SUCNR1: variants seen among roughly 807,000 people sequenced by gnomAD.
The protein encoded by SUCNR1 is succinate receptor 1.
In SUCNR1, 5 loss-of-function variants were observed where a neutral mutation model predicts 2.4. The observed-to-expected ratio is 2.07, with a 90% CI of 1.08 to 4.36. The LOEUF is 4.36. Ranked by LOEUF, SUCNR1 falls within the 30% of genes most tolerant of loss-of-function variation. The pLI, the probability that SUCNR1 is intolerant of heterozygous loss-of-function variation, is 0.00. For synonymous variants in SUCNR1, 162 were observed against 143.9 expected, an observed-to-expected ratio of 1.13 and a Z score of -0.90; for missense variants, 373 against 399.2, an observed-to-expected ratio of 0.93 and a Z score of 0.56.
chr3:151,881,223 T>C lies in SUCNR1; in HGVS notation c.680T>C (p.Leu227Pro). 8.7e-6 allele frequency: 14 copies of C among 1,614,224 alleles called. No individual in the cohort carries two copies. Among genetic ancestry groups the C allele is most frequent in the Non-Finnish European group, 1.2e-5 (14 of 1,180,026 alleles). Residue 227 changes from leucine to proline, a missense_variant, in exon 3 of 3, where the codon CTT becomes CCT. Leu to Pro is a moderately conservative substitution (Grantham distance 98). Coordinates refer to ENST00000362032, the MANE Select transcript of SUCNR1 (RefSeq NM_033050.6). ...RNRQVATALP[L>P]EKPLNLVIMA... ...AGGCAGGTTGCTACTGCTCTGCCCCTTGAAAAGCCTCTCAACTTGGTCATC... is the reference window on the plus strand; with the variant it reads ...AGGCAGGTTGCTACTGCTCTGCCCCCTGAAAAGCCTCTCAACTTGGTCATC...
At position 151,883,481 on chromosome 3, in the gene SUCNR1, T is replaced by TATATAC; in HGVS notation, c.*1938_*1939insCATATA. 1 of 134,188 alleles carries TATATAC rather than the reference T, an allele frequency of 7.5e-6. No homozygotes were observed. The highest frequency in any genetic ancestry group is 2.1e-4 in the East Asian group (1 of 4,824). The allele number at this position is 134,188 out of a possible 1,614,324, so 8.3% of individuals were successfully genotyped here. A position where few individuals can be genotyped will look rare whatever the true frequency, so the allele number is the denominator to read the frequency against. ...ATAAACTCACATATATATATATATA[T>TATATAC]ATATATATATATATATATATATATG... is the stretch of plus-strand genomic sequence containing the variant. On this transcript the variant is annotated 3_prime_UTR_variant, in exon 3 of 3. Transcript: ENST00000362032.
rs1718129870 is a variant in SUCNR1, at chr3:151,882,402, A to G, written c.*854A>G. On this transcript the variant is annotated 3_prime_UTR_variant, in exon 3 of 3. Transcript: ENST00000362032. ...AATTTGACCACCAGTGCATGAAAAT[A>G]TATTAAAGTTCATTAGCCTTCTGCT... is the stretch of plus-strand genomic sequence containing the variant. 6.6e-6 allele frequency: 1 copy of G among 152,226 alleles called. No individual in the cohort carries two copies. Among genetic ancestry groups the G allele is most frequent in the Non-Finnish European group, 1.5e-5 (1 of 68,014 alleles). The allele number at this position is 152,226 out of a possible 1,614,324, so 9.4% of individuals were successfully genotyped here. A position where few individuals can be genotyped will look rare whatever the true frequency, so the allele number is the denominator to read the frequency against.
intron 1 of SUCNR1, among the ~76,000 whole-genome samples, chr3:151,874,083 TACACAC>T (rs139708188): frequency 0.28 from 32,735 of 117,284 alleles, 4,876 homozygotes; most frequent in Admixed American, 0.34. Context: ...ATTTGATACA[TACACAC>T]ACACACACAC....
Position 151,880,746 on chromosome 3 carries a change from C to T in SUCNR1, c.203C>T (p.Ser68Phe). The change falls in exon 3 of 3, where the codon TCT (serine) becomes TTT (phenylalanine). Residue 68 changes from serine to phenylalanine, a missense_variant. Physicochemically the swap from Ser to Phe is radical, Grantham distance 155 (BLOSUM62 -2). Coordinates refer to ENST00000362032, the MANE Select transcript of SUCNR1 (RefSeq NM_033050.6). Reference sequence around the variant, plus strand: ...ATTTATCTCTTTAACCTCTCTGTCTCTGACTTAGCTTTTCTGTGCACCCTC... The same window carrying T: ...ATTTATCTCTTTAACCTCTCTGTCTTTGACTTAGCTTTTCTGTGCACCCTC... ...SNIYLFNLSVSDLAFLCTLPM... is the reference protein window; with the variant it reads ...SNIYLFNLSVFDLAFLCTLPM... 1.2e-6 allele frequency: 2 copies of T among 1,614,070 alleles called. No homozygotes were observed. Among genetic ancestry groups the T allele is most frequent in the Non-Finnish European group, 1.7e-6 (2 of 1,179,958 alleles).
intron 1 of SUCNR1, among the ~76,000 whole-genome samples, chr3:151,878,398 G>A (rs1393640594): frequency 6.6e-6 from 1 of 152,166 alleles, no homozygotes; most frequent in Non-Finnish European, 1.5e-5. Flanking sequence ...TGGGAATACT[G>A]AGAATTTGGG....
chr3:151,874,528 T>A lies in SUCNR1; in HGVS notation c.-42+822T>A, dbSNP rs529537476. 6.6e-5 allele frequency among the ~76,000 whole-genome samples: 10 copies of A among 152,140 alleles called. No homozygotes were observed. The South Asian group carries it at 2.1e-3, about 32-fold the overall frequency. Reference sequence around the variant, plus strand: ...ATGTATTTGGGGGAATTTTCAGGCATCCTAAAAATTAAATTTAACATTTAT... The same window carrying A: ...ATGTATTTGGGGGAATTTTCAGGCAACCTAAAAATTAAATTTAACATTTAT... On this transcript the variant is annotated intron_variant, in intron 1 of 2. Transcript: ENST00000362032.
chr3:151,883,437 T>C lies in SUCNR1; in HGVS notation c.*1889T>C, dbSNP rs1184831650. ...GAATAGACTCTTTCTAATAGTGCAG[T>C]GAAATATTTTTTCAAACCATAAACT... On this transcript the variant is annotated 3_prime_UTR_variant, in exon 3 of 3. Transcript: ENST00000362032. 2 of 129,524 alleles carry C rather than the reference T, an allele frequency of 1.5e-5. No individual in the cohort carries two copies. Among genetic ancestry groups the C allele is most frequent in the Non-Finnish European group, 3.2e-5 (2 of 62,722 alleles). The allele number at this position is 129,524 out of a possible 1,614,324, so 8.0% of individuals were successfully genotyped here.
intron 1 of SUCNR1, among the ~76,000 whole-genome samples, chr3:151,879,643 G>A (rs532749635): frequency 1.3e-5 from 2 of 152,096 alleles, no homozygotes; most frequent in South Asian, 4.2e-4. Flanking sequence ...TCTGAGGCAT[G>A]GCATCTTTCA....
rs1304956501 is a variant in SUCNR1 at position 151,881,719 on chromosome 3, T to C, written c.*171T>C. The C allele has an allele frequency of 1.1e-5, 7 of 639,922 alleles. No individual in the cohort carries two copies. The highest frequency in any genetic ancestry group is 1.8e-5 in the Non-Finnish European group (7 of 387,022). 39.6% of individuals were successfully genotyped at this position (639,922 alleles called of 1,614,324 possible). A position where few individuals can be genotyped will look rare whatever the true frequency, so the allele number is the denominator to read the frequency against. On this transcript the variant is annotated 3_prime_UTR_variant, in exon 3 of 3. Transcript: ENST00000362032. The stretch of plus-strand genomic sequence containing the variant: ...CGACAAGAATGTACTGGTTTCTTCC[T>C]CTAAGAATTGAAAGGAGTTGAACTG...
intron 1 of SUCNR1, among the ~76,000 whole-genome samples, chr3:151,875,064 T>G (rs952526226): frequency 6.6e-6 from 1 of 152,144 alleles, no homozygotes; most frequent in Non-Finnish European, 1.5e-5. Flanking sequence ...ATTGGTCTGC[T>G]TATGTGAGTA....
In SUCNR1 at chr3:151,880,738, C is replaced by T. The variant is rs79888638; in HGVS notation, c.195C>T (p.Leu65=). Residue 65 remains leucine, a synonymous_variant, in exon 3 of 3, where the codon CTC becomes CTT. Transcript: ENST00000362032. ...GCAGTAATATTTATCTCTTTAACCT[C>T]TCTGTCTCTGACTTAGCTTTTCTGT... The part of the protein sequence containing the change: ...WNSSNIYLFN[L]SVSDLAFLCT... The T allele has an allele frequency of 1.5e-3, 2,354 of 1,614,080 alleles. 34 individuals carry two copies. The East Asian group carries it at 0.036, about 24-fold the overall frequency.
chr3:151,878,724 C>T lies in SUCNR1; in HGVS notation c.-41-1128C>T, dbSNP rs970871177. Among the ~76,000 whole-genome samples, 77 of 152,168 alleles carry T rather than the reference C, an allele frequency of 5.1e-4. 1 individual carries two copies. Among genetic ancestry groups the T allele is most frequent in the South Asian group, 8.3e-4 (4 of 4,822 alleles). The stretch of plus-strand genomic sequence containing the variant: ...GGTTGCCATAGAGAGATTCGAGAGA[C>T]TCCGAAAAATGTATAATGTTTTAAA... On this transcript the variant is annotated intron_variant, in intron 1 of 2. Transcript: ENST00000362032.
rs1718084316 is a variant in SUCNR1, at chr3:151,881,165, T to C, written c.622T>C (p.Tyr208His). The C allele has an allele frequency of 4.3e-6, 7 of 1,614,186 alleles. No individual in the cohort carries two copies. Among genetic ancestry groups the C allele is most frequent in the Non-Finnish European group, 5.9e-6 (7 of 1,180,030 alleles). The change falls in exon 3 of 3, where the codon TAC (tyrosine) becomes CAC (histidine). Residue 208 changes from tyrosine to histidine, a missense_variant. Tyr to His is a moderately conservative substitution (Grantham distance 83, BLOSUM62 2). Around this residue, in one of 3 missense-constraint regions of SUCNR1, gnomAD observed 157 missense variants for 178.7 expected, o/e 0.88. Transcript: ENST00000362032. ...IPLFVMCFFY[Y>H]KIALFLKQRN... is the part of the protein sequence containing the mutation. The stretch of plus-strand genomic sequence containing the variant: ...TCTTTTTGTGATGTGTTTCTTTTAT[T>C]ACAAGATTGCTCTCTTCCTAAAGCA...
rs1718134258 is a variant in SUCNR1, at chr3:151,882,582, G to T, written c.*1034G>T. ...GATCCCCCATTTTTTGTAAACACTG[G>T]AATAATTTACAAGGATAACTTTATT... On this transcript the variant is annotated 3_prime_UTR_variant, in exon 3 of 3. Coordinates refer to ENST00000362032, the MANE Select transcript of SUCNR1 (RefSeq NM_033050.6). The T allele has an allele frequency of 6.6e-6, 1 of 151,998 alleles. No homozygotes were observed. Among genetic ancestry groups the T allele is most frequent in the Non-Finnish European group, 1.5e-5 (1 of 67,970 alleles). 9.4% of individuals were successfully genotyped at this position (151,998 alleles called of 1,614,324 possible). A position where few individuals can be genotyped will look rare whatever the true frequency, so the allele number is the denominator to read the frequency against.
intron 1 of SUCNR1, among the ~76,000 whole-genome samples, chr3:151,874,138 ATATATATATTTTTTTT>A (rs1559855932): frequency 1.3e-5 from 1 of 76,284 alleles, no homozygotes; most frequent in Admixed American, 1.3e-4. Flanking sequence ...ATATATATAT[ATATATATATTTTTTTT>A]TTTTTTTTTT....
chr3:151,880,656 T>C lies in SUCNR1; in HGVS notation c.113T>C (p.Val38Ala), dbSNP rs752645189. ...IFYGIEFVVG[V>A]LGNTIVVYGY... ...TATGGGATTGAGTTCGTTGTGGGAG[T>C]CCTTGGAAATACCATTGTTGTTTAC... is the stretch of plus-strand genomic sequence containing the variant. Residue 38 changes from valine to alanine, a missense_variant, in exon 3 of 3, where the codon GTC (valine) becomes GCC (alanine). Physicochemically the swap from Val to Ala is moderately conservative, Grantham distance 64. This residue lies in a region of SUCNR1 where 184 missense variants were observed against 162.2 expected (regional missense o/e 1.13). Transcript: ENST00000362032. 1.5e-5 allele frequency: 24 copies of C among 1,613,942 alleles called. No individual in the cohort carries two copies. Among genetic ancestry groups the C allele is most frequent in the Non-Finnish European group, 1.9e-5 (23 of 1,179,920 alleles).
rs533938067 is a variant in SUCNR1 at position 151,884,549 on chromosome 3, A to G, written c.*3001A>G. 1 of 152,362 alleles carries G rather than the reference A, an allele frequency of 6.6e-6. No individual in the cohort carries two copies. The highest frequency in any genetic ancestry group is 1.9e-4 in the East Asian group (1 of 5,194). The allele number at this position is 152,362 out of a possible 1,614,324, so 9.4% of individuals were successfully genotyped here. A position where few individuals can be genotyped will look rare whatever the true frequency, so the allele number is the denominator to read the frequency against. The stretch of plus-strand genomic sequence containing the variant: ...TGGATTCTGTTACATTCCATCAAAG[A>G]GTATTGATATTTTGTATATACATTT... On this transcript the variant is annotated 3_prime_UTR_variant, in exon 3 of 3. Transcript: ENST00000362032.
chr3:151,880,723 T>G lies in SUCNR1; in HGVS notation c.180T>G (p.Ile60Met), dbSNP rs543291198. The G allele has an allele frequency of 2.5e-6, 4 of 1,614,080 alleles. No individual in the cohort carries two copies. The East Asian group carries it at 6.7e-5, about 27-fold the overall frequency. ...FSLKNWNSSN[I>M]YLFNLSVSDL... ...TGAAGAACTGGAACAGCAGTAATAT[T>G]TATCTCTTTAACCTCTCTGTCTCTG... The change falls in exon 3 of 3, where the codon ATT (isoleucine) becomes ATG (methionine). Residue 60 changes from isoleucine (I) to methionine (M), a missense_variant. Transcript: ENST00000362032.
intron 2 of SUCNR1, 106 bp from the exon 3 acceptor site, chr3:151,880,453 C>T: frequency 1.2e-6 from 1 of 807,216 alleles, no homozygotes; most frequent in Non-Finnish European, 2.0e-6. Flanking sequence ...AACCTACTTT[C>T]TATAGTTCAC....
Sources: gnomAD v4.1 joint callset for allele counts (sites outside exome capture counted in the v4.1 genomes callset) on GRCh38, gnomAD v4.1.1 for gene constraint, gnomAD v4.1.1 regional missense constraint, MANE v1.5 for transcripts, NCBI Gene and HGNC (gene_info 2026-07-23, HGNC 2026-07-21) for gene names.